VCAN: variants seen among roughly 807,000 people sequenced by gnomAD.
The protein encoded by VCAN is versican, also known as versican core protein.
Under a neutral mutation model 245.5 loss-of-function variants are expected in VCAN, and 44 were observed. The ratio of observed to expected loss-of-function variants is 0.18; its 90% CI spans 0.14 to 0.23. The LOEUF is 0.23. VCAN is among the 10% of genes least tolerant of loss of function. The pLI, the probability that VCAN is intolerant of heterozygous loss-of-function variation, is 1.00. For missense variants in VCAN, 3,793 were observed against 4,057.9 expected, an observed-to-expected ratio of 0.93 and a Z score of 1.77; for synonymous variants, 1,413 against 1,437.0, an observed-to-expected ratio of 0.98 and a Z score of 0.38.
At chr5:83,570,595 G>T (rs932198487) in intron 12 of VCAN, among the ~76,000 whole-genome samples, 5 of 151,900 alleles carry the variant, frequency 3.3e-5, no homozygotes, top group African/African-American at 1.2e-4. Context: ...GAGCTTATTG[G>T]TATACAAATC....
chr5:83,524,035 T>C (rs1384118104), intron 7 of VCAN, among the ~76,000 whole-genome samples: 2 of 152,180 alleles, frequency 1.3e-5, no homozygotes, highest in African/African-American at 4.8e-5. Flanking sequence ...AGCTAATAAG[T>C]TGAGTTGAAT....
chr5:83,472,070 A>G (rs903228447), intron 1 of VCAN, 47 bp downstream of exon 1: 3 of 283,762 alleles, frequency 1.1e-5, no homozygotes, highest in Non-Finnish European at 2.0e-5. Context: ...AAAACAAAAA[A>G]CTTATAGAAA....
chr5:83,519,370 A>G lies in VCAN; in HGVS notation c.1064A>G (p.Asp355Gly), dbSNP rs1313760807. The change falls in exon 7 of 15, where the codon GAT becomes GGT. Residue 355 changes from aspartate to glycine, a missense_variant. By Grantham distance (94) the Asp-to-Gly change is moderately conservative (BLOSUM62 -1). This residue lies in a region of VCAN where 190 missense variants were observed against 288.6 expected (regional missense o/e 0.66). Coordinates refer to ENST00000265077, the MANE Select transcript of VCAN (RefSeq NM_004385.5). ...CFKPKEATTI[D>G]LSILAETASP... is the part of the protein sequence containing the mutation. ...CTAGCTAAAGAGGCTACAACCATCG[A>G]TTTGAGTATCCTCGCAGAAACTGCA... 5.0e-6 allele frequency: 8 copies of G among 1,613,926 alleles called. No individual in the cohort carries two copies. In the East Asian group the frequency reaches 1.8e-4, roughly 36 times the overall value.
intron 12 of VCAN, among the ~76,000 whole-genome samples, chr5:83,570,840 T>A (rs75378210): frequency 5.7e-4 from 76 of 133,914 alleles, no homozygotes; most frequent in African/African-American, 2.1e-3. Flanking sequence ...TTTTTTTTTT[T>A]AATTTTTGCA....
chr5:83,557,408 A>G (rs1299676584), intron 12 of VCAN, among the ~76,000 whole-genome samples: 1 of 152,114 alleles, frequency 6.6e-6, no homozygotes, highest in Non-Finnish European at 1.5e-5. Context: ...GTTATCCTTT[A>G]TTCCTGTGTG....
chr5:83,512,087 CT>C lies in VCAN; in HGVS notation c.749-14del, dbSNP rs760904287. On this transcript the variant is annotated splice_polypyrimidine_tract_variant and intron_variant, in intron 5 of 14. Transcript: ENST00000265077. ...TAATAAAACTTTGGGCTTTTTTTCC[CT>C]TCTTTTTTTTCCAGGTGATGTGTTC... 1.9e-4 allele frequency: 310 copies of C among 1,613,550 alleles called. No homozygotes were observed. Among genetic ancestry groups the C allele is most frequent in the Non-Finnish European group, 2.6e-4 (303 of 1,179,930 alleles).
intron 1 of VCAN, among the ~76,000 whole-genome samples, chr5:83,474,040 C>G (rs1744294367): frequency 1.3e-5 from 2 of 152,104 alleles, no homozygotes; most frequent in South Asian, 4.1e-4. Flanking sequence ...GACGCGCCAC[C>G]CTGGGCGTCT....
rs141007991 is a variant in VCAN at position 83,520,621 on chromosome 5, C to G, written c.2315C>G (p.Ala772Gly). 265 of 1,613,852 alleles carry G rather than the reference C, an allele frequency of 1.6e-4. No individual in the cohort carries two copies. Among genetic ancestry groups the G allele is most frequent in the Non-Finnish European group, 2.6e-5 (31 of 1,179,990 alleles). ...AGAGATATGGAGGAAGACTTTACAG[C>G]AACTCCAGGTACTACAAAATATGAT... ...EVRDMEEDFT[A>G]TPGTTKYDEN... is the part of the protein sequence containing the mutation. Residue 772 changes from alanine to glycine, a missense_variant, in exon 7 of 15, where the codon GCA (alanine) becomes GGA (glycine). This residue lies in a region of VCAN where 3,182 missense variants were observed against 3,250.3 expected (regional missense o/e 0.98). Transcript: ENST00000265077.
At chr5:83,499,931 T>C (rs1169876990) in intron 5 of VCAN, among the ~76,000 whole-genome samples, 1 of 152,196 alleles carries the variant, frequency 6.6e-6, no homozygotes, top group Non-Finnish European at 1.5e-5. Flanking sequence ...AATCTAAACA[T>C]TTAGATAAAC....
rs531718905 is a variant in VCAN, at chr5:83,546,254, G to A, written c.9379+604G>A. Among the ~76,000 whole-genome samples the A allele has an allele frequency of 9.6e-4, 141 of 146,962 alleles. 1 individual carries two copies. The highest frequency in any genetic ancestry group is 1.8e-3 in the Non-Finnish European group (118 of 67,296). On this transcript the variant is annotated intron_variant, in intron 9 of 14. Transcript: ENST00000265077. ...CCTTCTCTTTAAAGAAAAAAAAAAA[G>A]GCACCAGTGTTGATTTGGCTACATA...
rs1036984805 is a variant in VCAN, at chr5:83,539,663, T to C, written c.6660T>C (p.His2220=). 1.2e-6 allele frequency: 2 copies of C among 1,613,790 alleles called. No individual in the cohort carries two copies. The highest frequency in any genetic ancestry group is 2.7e-5 in the African/African-American group (2 of 74,932). The change falls in exon 8 of 15, where the codon CAT becomes CAC. Residue 2220 remains histidine, a synonymous_variant. Transcript: ENST00000265077. ...ALVTESIPAE[H]VVTDSPIKKE... ...TAACTGAATCTATACCAGCTGAACA[T>C]GTAGTCACAGATTCACCAATCAAAA...
rs868317793 is a variant in VCAN at position 83,537,349 on chromosome 5, G to A, written c.4346G>A (p.Ser1449Asn). Residue 1449 changes from serine (S) to asparagine (N), a missense_variant, in exon 8 of 15, where the codon AGT becomes AAT. Ser to Asn is a conservative substitution (Grantham distance 46). Transcript: ENST00000265077. ...CAGAATTTCTCGGACAGCTCTGAAA[G>A]TGATACTCATCCATTTGTAATAGCC... The part of the protein sequence containing the change: ...PSQNFSDSSE[S>N]DTHPFVIAKT... The A allele has an allele frequency of 2.5e-6, 4 of 1,613,908 alleles. No individual in the cohort carries two copies. The highest frequency in any genetic ancestry group is 2.2e-5 in the East Asian group (1 of 44,884).
intron 9 of VCAN, among the ~76,000 whole-genome samples, chr5:83,546,604 A>AG (rs1188128178): frequency 6.6e-6 from 1 of 151,418 alleles, no homozygotes; most frequent in Non-Finnish European, 1.5e-5. Flanking sequence ...AAAAAAAAAA[A>AG]AAATTAACCG....
Position 83,539,866 on chromosome 5 carries a change from C to T in VCAN, c.6863C>T (p.Ser2288Phe). 6.2e-7 allele frequency: 1 copy of T among 1,614,052 alleles called. No homozygotes were observed. Residue 2288 changes from serine (S) to phenylalanine (F), a missense_variant, in exon 8 of 15, where the codon TCT becomes TTT. Coordinates refer to ENST00000265077, the MANE Select transcript of VCAN (RefSeq NM_004385.5). ...QINNTLYPHTSQVESTSSDKI... is the reference protein window; with the variant it reads ...QINNTLYPHTFQVESTSSDKI... ...AATAACACATTATATCCCCACACTT[C>T]TCAAGTGGAAAGTACCTCAAGTGAC...
Position 83,545,572 on chromosome 5 carries a change from G to A in VCAN, c.9301G>A (p.Gly3101Arg), listed in dbSNP as rs150952901. 3.4e-5 allele frequency: 55 copies of A among 1,614,088 alleles called. No homozygotes were observed. Among genetic ancestry groups the A allele is most frequent in the Middle Eastern group, 1.7e-4 (1 of 6,060 alleles). ...DRCKMNPCLN[G>R]GTCYPTETSY... is the part of the protein sequence containing the mutation. Reference sequence around the variant, plus strand: ...CTGCAAAATGAACCCGTGCCTTAACGGAGGCACCTGTTATCCTACTGAAAC... The same window carrying A: ...CTGCAAAATGAACCCGTGCCTTAACAGAGGCACCTGTTATCCTACTGAAAC... Residue 3101 changes from glycine to arginine, a missense_variant, in exon 9 of 15, where the codon GGA becomes AGA. Gly to Arg is a moderately radical substitution (Grantham distance 125). Around this residue, in one of 5 missense-constraint regions of VCAN, gnomAD observed 3,182 missense variants for 3,250.3 expected, o/e 0.98. Coordinates refer to ENST00000265077, the MANE Select transcript of VCAN (RefSeq NM_004385.5).
intron 13 of VCAN, among the ~76,000 whole-genome samples, chr5:83,573,187 C>T (rs1428450240): frequency 2.0e-5 from 3 of 152,184 alleles, no homozygotes; most frequent in East Asian, 1.9e-4. Context: ...CTTGAGCCAC[C>T]GCTCCTGACC....
At chr5:83,579,254 TTTGTTTTG>T (rs1472416426) in intron 13 of VCAN, among the ~76,000 whole-genome samples, 2 of 23,632 alleles carry the variant, frequency 8.5e-5, no homozygotes. Context: ...TGTTTGTTTG[TTTGTTTTG>T]TTTTGTTTTG....
At chr5:83,571,017 CAT>C (rs1748268020) in intron 12 of VCAN, among the ~76,000 whole-genome samples, 1 of 152,060 alleles carries the variant, frequency 6.6e-6, no homozygotes, top group African/African-American at 2.4e-5. Flanking sequence ...AAAAGACAGT[CAT>C]ATTAGCCATT....
chr5:83,492,061 A>C (rs1184449880), intron 3 of VCAN, among the ~76,000 whole-genome samples: 1 of 152,156 alleles, frequency 6.6e-6, no homozygotes, highest in Non-Finnish European at 1.5e-5. Context: ...TTGAGTCATA[A>C]AATATCAGAA....
Sources: gnomAD v4.1 joint callset for allele counts (sites outside exome capture counted in the v4.1 genomes callset) on GRCh38, gnomAD v4.1.1 for gene constraint, gnomAD v4.1.1 regional missense constraint, MANE v1.5 for transcripts, NCBI Gene and HGNC (gene_info 2026-07-23, HGNC 2026-07-21) for gene names.